The following PGPEP1L variants were observed in gnomAD, a reference collection of about 807,000 sequenced individuals.
The protein encoded by PGPEP1L is pyroglutamyl-peptidase 1-like protein.
Under a neutral mutation model 6.0 loss-of-function variants are expected in PGPEP1L, and 7 were observed. The ratio of observed to expected loss-of-function variants is 1.17; its 90% CI spans 0.66 to 2.19. The LOEUF is 2.19. PGPEP1L is among the 30% of genes most tolerant of loss of function. The probability of loss-of-function intolerance (pLI) is 0.00; values close to 1 mark genes in which losing one functional copy is unlikely to be tolerated. For missense variants in PGPEP1L, 209 were observed against 192.5 expected, an observed-to-expected ratio of 1.09 and a Z score of -0.51; for synonymous variants, 103 against 83.9, an observed-to-expected ratio of 1.23 and a Z score of -1.24.
intron 2 of PGPEP1L, among the ~76,000 whole-genome samples, chr15:99,002,583 AG>A (rs1555473173): frequency 6.6e-6 from 1 of 152,212 alleles, no homozygotes; most frequent in Non-Finnish European, 1.5e-5. Context: ...TGTCAATATC[AG>A]GAGAGGCTGG....
chr15:98,985,865 A>C (rs1182989503), intron 2 of PGPEP1L, among the ~76,000 whole-genome samples: 2 of 152,254 alleles, frequency 1.3e-5, no homozygotes, highest in African/African-American at 2.4e-5. Context: ...TTTCAGAAGA[A>C]GTTAGCCTTC....
intron 2 of PGPEP1L, chr15:99,001,403 GT>G (rs1361506927): frequency 5.8e-6 from 1 of 173,488 alleles, no homozygotes; most frequent in Non-Finnish European, 1.3e-5. Context: ...GGGTATGTGT[GT>G]TGTGGGGGGA....
chr15:99,001,190 G>GA (rs1491305295), intron 2 of PGPEP1L: 1 of 432,010 alleles, frequency 2.3e-6, no homozygotes, highest in Admixed American at 2.6e-5. Flanking sequence ...CACTCACCAC[G>GA]AGAGTCCGCG....
intron 1 of PGPEP1L, among the ~76,000 whole-genome samples, chr15:99,006,942 A>G (rs2018077689): frequency 6.6e-6 from 1 of 152,176 alleles, no homozygotes; most frequent in Non-Finnish European, 1.5e-5. Flanking sequence ...AGAGCCTCTC[A>G]AGCACCCTGC....
chr15:98,997,401 T>C lies in PGPEP1L; in HGVS notation c.-142+8028A>G, dbSNP rs140627568. ...TTCAGCTTGACCAAAAAACTCAGAATAAAGACCTCACCTTGATCCAACGGA... is the reference window on the plus strand; with the variant it reads ...TTCAGCTTGACCAAAAAACTCAGAACAAAGACCTCACCTTGATCCAACGGA... On this transcript the variant is annotated intron_variant, in intron 2 of 4. Coordinates refer to ENST00000535714, the MANE Select transcript of PGPEP1L (RefSeq NM_001167902.2). Among the ~76,000 whole-genome samples, 1,015 of 152,236 alleles carry C rather than the reference T, an allele frequency of 6.7e-3. 12 individuals are homozygous for C. The highest frequency in any genetic ancestry group is 0.023 in the African/African-American group (969 of 41,548).
At chr15:99,006,651 A>C (rs2018069185) in intron 1 of PGPEP1L, among the ~76,000 whole-genome samples, 1 of 152,194 alleles carries the variant, frequency 6.6e-6, no homozygotes, top group South Asian at 2.1e-4. Flanking sequence ...CAACGTGGCA[A>C]GACTGCATCA....
intron 2 of PGPEP1L, among the ~76,000 whole-genome samples, chr15:98,982,700 C>CTTTATTTTTTTTTTT (rs2017682825): frequency 1.9e-5 from 1 of 52,458 alleles, no homozygotes; most frequent in African/African-American, 5.1e-5. Flanking sequence ...TTATCTGAGG[C>CTTTATTTTTTTTTTT]TTTTTTTTTT....
chr15:98,976,927 C>A (rs1047963923), intron 2 of PGPEP1L, among the ~76,000 whole-genome samples: 1 of 151,104 alleles, frequency 6.6e-6, no homozygotes, highest in African/African-American at 2.4e-5. Flanking sequence ...TCATGCTCCT[C>A]ACCTGTATAA....
chr15:98,994,110 G>C (rs2017856075), intron 2 of PGPEP1L, among the ~76,000 whole-genome samples: 1 of 151,692 alleles, frequency 6.6e-6, no homozygotes, highest in Non-Finnish European at 1.5e-5. Context: ...TACTAAAAAT[G>C]CAAAAATTAG....
At chr15:98,995,507 G>A in intron 2 of PGPEP1L, among the ~76,000 whole-genome samples, 1 of 152,152 alleles carries the variant, frequency 6.6e-6, no homozygotes, top group South Asian at 2.1e-4. Flanking sequence ...AGACCAGCCT[G>A]GCCAACATAG....
At chr15:98,974,057 G>C (rs915865518) in intron 2 of PGPEP1L, among the ~76,000 whole-genome samples, 2 of 152,102 alleles carry the variant, frequency 1.3e-5, no homozygotes, top group African/African-American at 4.8e-5. Flanking sequence ...GACACATAAT[G>C]AACAACTATA....
At chr15:98,977,533 G>C (rs1438004565) in intron 2 of PGPEP1L, among the ~76,000 whole-genome samples, 1 of 152,154 alleles carries the variant, frequency 6.6e-6, no homozygotes, top group Non-Finnish European at 1.5e-5. Context: ...ATCCACTGTG[G>C]CCAGAGAACA....
intron 2 of PGPEP1L, among the ~76,000 whole-genome samples, chr15:98,989,333 G>A (rs797040429): frequency 3.3e-5 from 5 of 152,248 alleles, no homozygotes; most frequent in African/African-American, 1.2e-4. Context: ...ACTTCAAGAA[G>A]CATACACAAG....
intron 1 of PGPEP1L, among the ~76,000 whole-genome samples, chr15:99,006,018 A>T (rs1195218003): frequency 1.3e-5 from 2 of 152,182 alleles, no homozygotes; most frequent in African/African-American, 4.8e-5. Context: ...AACTAATTCC[A>T]CAAAATATGT....
chr15:98,969,990 C>T (rs1377482745), intron 3 of PGPEP1L, among the ~76,000 whole-genome samples: 1 of 152,100 alleles, frequency 6.6e-6, no homozygotes, highest in Non-Finnish European at 1.5e-5. Flanking sequence ...GAGGCTACCA[C>T]AGCAGAGTCT....
At chr15:98,990,339 A>G (rs566997642) in intron 2 of PGPEP1L, among the ~76,000 whole-genome samples, 29 of 152,320 alleles carry the variant, frequency 1.9e-4, no homozygotes, top group African/African-American at 7.0e-4. Context: ...GAGACTTTAA[A>G]CCAACAAAGA....
Position 98,969,495 on chromosome 15 carries a change from A to G in PGPEP1L, c.139T>C (p.Cys47Arg), listed in dbSNP as rs1250151250. The G allele has an allele frequency of 1.9e-6, 3 of 1,613,934 alleles. No homozygotes were observed. The highest frequency in any genetic ancestry group is 2.5e-6 in the Non-Finnish European group (3 of 1,179,908). The change falls in exon 4 of 5, where the codon TGC (cysteine) becomes CGC (arginine). Residue 47 changes from cysteine (C) to arginine (R), a missense_variant. Cys to Arg is a radical substitution (Grantham distance 180). Transcript: ENST00000535714. ...ACGCGCTTGCAGACTGCCTTCATGC[A>G]GACCCCTGACTCCAGCACGTCTGGG... Reference protein sequence around the residue: ...GSPDVLESGVCMKAVCKRVAV... With the variant: ...GSPDVLESGVRMKAVCKRVAV...
At position 98,978,587 on chromosome 15, in the gene PGPEP1L, A is replaced by G. The variant is rs113068685; in HGVS notation, c.-141-7429T>C. Among the ~76,000 whole-genome samples, 397 of 151,920 alleles carry G rather than the reference A, an allele frequency of 2.6e-3. 1 individual carries two copies. Among genetic ancestry groups the G allele is most frequent in the African/African-American group, 9.3e-3 (385 of 41,420 alleles). On this transcript the variant is annotated intron_variant, in intron 2 of 4. Coordinates refer to ENST00000535714, the MANE Select transcript of PGPEP1L (RefSeq NM_001167902.2). ...CCCAAAAAAAACTGTGTAGAACGGA[A>G]AAGAACTAAGACTTATCTTCTGAAT...
chr15:98,986,354 A>C (rs538679940), intron 2 of PGPEP1L, among the ~76,000 whole-genome samples: 1 of 152,342 alleles, frequency 6.6e-6, no homozygotes, highest in African/African-American at 2.4e-5. Context: ...CTGAAGATTG[A>C]GTTTAATCAT....
Sources: gnomAD v4.1 joint callset for allele counts (sites outside exome capture counted in the v4.1 genomes callset) on GRCh38, gnomAD v4.1.1 for gene constraint, MANE v1.5 for transcripts, NCBI Gene and HGNC (gene_info 2026-07-23, HGNC 2026-07-21) for gene names.